The following DEPDC5 variants were observed in gnomAD, a reference collection of about 807,000 sequenced individuals.
DEPDC5 encodes the protein DEP domain containing 5, GATOR1 subcomplex subunit, also known as GATOR1 complex protein DEPDC5.
A neutral mutation model predicts 217.3 loss-of-function variants in DEPDC5; 73 were observed. The ratio of observed to expected loss-of-function variants is 0.34; its 90% CI spans 0.28 to 0.41. The LOEUF (loss-of-function observed/expected upper bound fraction) is 0.41. Ranked by LOEUF, DEPDC5 falls within the 10% of genes least tolerant of loss-of-function variation. The pLI, the probability that DEPDC5 is intolerant of heterozygous loss-of-function variation, is 1.00. For missense variants in DEPDC5, 1,675 were observed against 2,070.1 expected (o/e 0.81, Z 3.70); for synonymous variants, 733 against 756.7 (o/e 0.97, Z 0.51).
At chr22:31,764,938 A>G in intron 4 of DEPDC5, 37 bp from the exon 5 acceptor site, 1 of 1,531,696 alleles carries the variant, frequency 6.5e-7, no homozygotes, top group Non-Finnish European at 9.0e-7. Context: ...GCTTTTTCAA[A>G]ATATGTTATC....
chr22:31,793,679 C>T (rs571235767), intron 12 of DEPDC5, among the ~76,000 whole-genome samples: 45 of 152,174 alleles, frequency 3.0e-4, no homozygotes, highest in Admixed American at 4.6e-4. Context: ...AAGGGATTCT[C>T]GTTTCTCAGC....
At chr22:31,759,903 G>A (rs1253862076) in intron 3 of DEPDC5, among the ~76,000 whole-genome samples, 11 of 151,334 alleles carry the variant, frequency 7.3e-5, no homozygotes, top group Admixed American at 5.3e-4. Context: ...GGCTGGTCTC[G>A]AACTCCTGAC....
intron 40 of DEPDC5, among the ~76,000 whole-genome samples, chr22:31,901,219 G>A (rs896161650): frequency 2.0e-5 from 3 of 151,362 alleles, no homozygotes; most frequent in African/African-American, 7.3e-5. Context: ...TTCCAGCCTG[G>A]GTGACCAAGC....
chr22:31,869,914 C>T (rs1313554649), intron 33 of DEPDC5, among the ~76,000 whole-genome samples: 1 of 152,090 alleles, frequency 6.6e-6, no homozygotes, highest in African/African-American at 2.4e-5. Flanking sequence ...CAATCAGGGG[C>T]TATTTAGAAG....
intron 25 of DEPDC5, among the ~76,000 whole-genome samples, chr22:31,836,165 C>A (rs1424868134): frequency 6.6e-6 from 1 of 152,260 alleles, no homozygotes; most frequent in Non-Finnish European, 1.5e-5. Context: ...GGGAACATGT[C>A]AATGCCTGCA....
intron 24 of DEPDC5, among the ~76,000 whole-genome samples, chr22:31,826,897 G>GTTTTTTTT (rs74267286): frequency 7.1e-6 from 1 of 140,304 alleles, no homozygotes; most frequent in African/African-American, 2.6e-5. Context: ...ATTATACATA[G>GTTTTTTTT]TTTTTTTTTT....
chr22:31,764,831 A>G (rs2082679244), intron 4 of DEPDC5, 144 bp from the exon 5 acceptor site: 3 of 579,528 alleles, frequency 5.2e-6, no homozygotes, highest in Non-Finnish European at 9.2e-6. Flanking sequence ...TTTAAATTCT[A>G]AGCTCCTGAA....
chr22:31,864,027 C>T (rs1352113761), intron 33 of DEPDC5, among the ~76,000 whole-genome samples: 1 of 151,634 alleles, frequency 6.6e-6, no homozygotes, highest in African/African-American at 2.4e-5. Flanking sequence ...TGGTAAAATA[C>T]ACAACATAAA....
intron 32 of DEPDC5, chr22:31,858,444 G>A (rs1168835957): frequency 6.6e-6 from 1 of 152,148 alleles, no homozygotes; most frequent in Non-Finnish European, 1.5e-5. Flanking sequence ...GTTGTGATAG[G>A]ACAAGCTGAC....
chr22:31,886,120 C>T (rs893849721), intron 38 of DEPDC5, among the ~76,000 whole-genome samples: 7 of 152,128 alleles, frequency 4.6e-5, no homozygotes, highest in Admixed American at 1.3e-4. Flanking sequence ...CTCCTGGGCT[C>T]AAGCAGTCTT....
At chr22:31,890,840 C>T (rs1247328457) in intron 38 of DEPDC5, among the ~76,000 whole-genome samples, 4 of 152,128 alleles carry the variant, frequency 2.6e-5, no homozygotes, top group Admixed American at 2.0e-4. Flanking sequence ...ATTCTCCTGC[C>T]TCAGCCTCCC....
At chr22:31,790,967 G>A (rs5998130) in intron 10 of DEPDC5, among the ~76,000 whole-genome samples, 1 of 151,746 alleles carries the variant, frequency 6.6e-6, no homozygotes, top group Admixed American at 6.6e-5. Context: ...GGCTGGTCTC[G>A]AACTCCTGAC....
chr22:31,801,333 G>C (rs2148619867), intron 14 of DEPDC5, among the ~76,000 whole-genome samples: 1 of 152,092 alleles, frequency 6.6e-6, no homozygotes, highest in South Asian at 2.1e-4. Flanking sequence ...AATTGTAAAA[G>C]TAACCATGTT....
intron 24 of DEPDC5, 175 bp from the exon 25 acceptor site, chr22:31,833,740 A>G: frequency 2.0e-6 from 1 of 492,078 alleles, no homozygotes; most frequent in Non-Finnish European, 3.6e-6. Context: ...CCAATTTTAG[A>G]TTGATCATTT....
Position 31,857,565 on chromosome 22 carries a change from C to A in DEPDC5, c.3264+12C>A. 6.3e-7 allele frequency: 1 copy of A among 1,598,216 alleles called. No homozygotes were observed. The highest frequency in any genetic ancestry group is 1.1e-5 in the South Asian group (1 of 88,478). On this transcript the variant is annotated intron_variant, in intron 32 of 42. Coordinates refer to ENST00000651528, the MANE Select transcript of DEPDC5 (RefSeq NM_001242896.3). ...ACAGCCCACGAAAGGTAAAGGAAGC[C>A]GCGGTAGCAGGGAGCTGTTCTGTGC...
At chr22:31,771,526 C>G (rs901915984) in intron 7 of DEPDC5, among the ~76,000 whole-genome samples, 8 of 151,472 alleles carry the variant, frequency 5.3e-5, no homozygotes, top group African/African-American at 1.7e-4. Flanking sequence ...TCGAGACCAT[C>G]CTGGGTAACA....
chr22:31,833,766 T>C (rs1268238365), intron 24 of DEPDC5, 149 bp from the exon 25 acceptor site: 1 of 596,404 alleles, frequency 1.7e-6, no homozygotes, highest in Non-Finnish European at 2.9e-6. Flanking sequence ...TGATCGATTC[T>C]TTTGTACTGT....
In DEPDC5 at chr22:31,873,332, C is replaced by T. The variant is rs376487148; in HGVS notation, c.3563C>T (p.Ser1188Leu). ...TEILEAMKHPSTGVQLLSEQK... is the reference protein window; with the variant it reads ...TEILEAMKHPLTGVQLLSEQK... The stretch of plus-strand genomic sequence containing the variant: ...ATCCTGGAAGCCATGAAGCACCCCT[C>T]GTAAGTGGCTCACCACAGTGTAGGG... Residue 1188 changes from serine (S) to leucine (L), a missense_variant and splice_region_variant, in exon 35 of 43, where the codon TCG becomes TTG. Ser to Leu is a moderately radical substitution (Grantham distance 145). This residue lies in a region of DEPDC5 where 194 missense variants were observed against 199.3 expected (regional missense o/e 0.97). Coordinates refer to ENST00000651528, the MANE Select transcript of DEPDC5 (RefSeq NM_001242896.3). The T allele has an allele frequency of 1.4e-5, 22 of 1,613,674 alleles. No individual in the cohort carries two copies. The highest frequency in any genetic ancestry group is 5.3e-5 in the African/African-American group (4 of 74,926).
rs1240891437 is a variant in DEPDC5, at chr22:31,784,880, A to G, written c.624+5A>G. Reference sequence around the variant, plus strand: ...GATCTATTTACCAAGTGGAAGGTACATTTCTTCTTACACACTAAGTCTCAT... The same window carrying G: ...GATCTATTTACCAAGTGGAAGGTACGTTTCTTCTTACACACTAAGTCTCAT... On this transcript the variant is annotated splice_donor_5th_base_variant and intron_variant, in intron 10 of 42. Transcript: ENST00000651528. 3 of 1,611,338 alleles carry G rather than the reference A, an allele frequency of 1.9e-6. No homozygotes were observed. The highest frequency in any genetic ancestry group is 1.7e-6 in the Non-Finnish European group (2 of 1,178,618).
Sources: gnomAD v4.1 joint callset for allele counts (sites outside exome capture counted in the v4.1 genomes callset) on GRCh38, gnomAD v4.1.1 for gene constraint, gnomAD v4.1.1 regional missense constraint, MANE v1.5 for transcripts, NCBI Gene and HGNC (gene_info 2026-07-23, HGNC 2026-07-21) for gene names.